Variants in IMPG2 observed in about 807,000 individuals in gnomAD.
The protein encoded by IMPG2 is IPM 200.
Under a neutral mutation model 129.2 loss-of-function variants are expected in IMPG2, and 91 were observed. The observed-to-expected ratio is 0.70, with a 90% confidence interval of 0.59 to 0.84. IMPG2 has a LOEUF of 0.84. IMPG2 is among the 40% of genes least tolerant of loss of function. The pLI is 0.00. For missense variants in IMPG2, 1,430 were observed against 1,461.7 expected, an observed-to-expected ratio of 0.98 and a Z score of 0.35; for synonymous variants, 510 against 517.7, an observed-to-expected ratio of 0.99 and a Z score of 0.20.
chr3:101,259,730 C>T (rs1013518754), intron 9 of IMPG2, among the ~76,000 whole-genome samples: 2 of 152,004 alleles, frequency 1.3e-5, no homozygotes, highest in African/African-American at 4.8e-5. Context: ...TAGTGGAAAG[C>T]TTCTGACCAG....
chr3:101,292,896 A>G (rs116474584), intron 3 of IMPG2, among the ~76,000 whole-genome samples: 3 of 152,182 alleles, frequency 2.0e-5, no homozygotes, highest in African/African-American at 7.2e-5. Flanking sequence ...CTCATTCATA[A>G]GAAGAAATTT....
chr3:101,281,788 G>A (rs1231081150), intron 4 of IMPG2, among the ~76,000 whole-genome samples: 3 of 152,106 alleles, frequency 2.0e-5, no homozygotes, highest in South Asian at 2.1e-4. Context: ...TCAGAGTGAC[G>A]GAATGTGAGA....
At chr3:101,300,558 G>A (rs1442639222) in intron 3 of IMPG2, among the ~76,000 whole-genome samples, 1 of 152,246 alleles carries the variant, frequency 6.6e-6, no homozygotes, top group Admixed American at 6.5e-5. Context: ...TCTGTGGGTT[G>A]CACAGTTCCG....
At chr3:101,298,003 A>T (rs888168868) in intron 3 of IMPG2, among the ~76,000 whole-genome samples, 1 of 152,192 alleles carries the variant, frequency 6.6e-6, no homozygotes, top group African/African-American at 2.4e-5. Context: ...TGGAGTGTTA[A>T]AGTCTCTCAC....
intron 18 of IMPG2, among the ~76,000 whole-genome samples, chr3:101,228,243 T>C (rs1332120515): frequency 1.3e-5 from 2 of 152,194 alleles, no homozygotes; most frequent in Non-Finnish European, 1.5e-5. Context: ...ATAAACTTGA[T>C]AGAGGCAAGA....
At chr3:101,256,137 AAAGAAAGAAAAGAAAG>A in intron 10 of IMPG2, among the ~76,000 whole-genome samples, 1 of 139,588 alleles carries the variant, frequency 7.2e-6, no homozygotes, top group Non-Finnish European at 1.5e-5. Flanking sequence ...AGAAAGAAAG[AAAGAAAGAAAAGAAAG>A]AAAGAAAGAA....
intron 4 of IMPG2, among the ~76,000 whole-genome samples, chr3:101,277,605 C>T (rs1706851772): frequency 6.6e-6 from 1 of 152,120 alleles, no homozygotes; most frequent in Non-Finnish European, 1.5e-5. Context: ...GAAAGTCAAG[C>T]TTAGAGAAAT....
chr3:101,291,191 A>G (rs1707005556), intron 4 of IMPG2, among the ~76,000 whole-genome samples: 1 of 152,200 alleles, frequency 6.6e-6, no homozygotes, highest in African/African-American at 2.4e-5. Context: ...TTAAACCTCA[A>G]CAATAGGTCA....
chr3:101,300,072 TAG>T (rs1707123467), intron 3 of IMPG2, among the ~76,000 whole-genome samples: 1 of 152,170 alleles, frequency 6.6e-6, no homozygotes, highest in South Asian at 2.1e-4. Flanking sequence ...CCAGGAAGAT[TAG>T]AGTCTGTCCC....
At position 101,230,982 on chromosome 3, in the gene IMPG2, T is replaced by C. The variant is rs1392679108; in HGVS notation, c.3397A>G (p.Arg1133Gly). The part of the protein sequence containing the change: ...FIRTLQAHHD[R>G]SERESPFSGS... ...CTGAAGGGACTCTCTCTTTCACTCC[T>C]GTCATGGTGTGCTTGGAGAGTCCTG... Residue 1133 changes from arginine (R) to glycine (G), a missense_variant, in exon 16 of 19, where the codon AGG becomes GGG. Coordinates refer to ENST00000193391, the MANE Select transcript of IMPG2 (RefSeq NM_016247.4). The C allele has an allele frequency of 6.2e-7, 1 of 1,613,616 alleles. No homozygotes were observed.
At chr3:101,243,480 G>T in intron 13 of IMPG2, 49 bp downstream of exon 13, 1 of 1,538,040 alleles carries the variant, frequency 6.5e-7, no homozygotes, top group Non-Finnish European at 9.0e-7. Flanking sequence ...GGAGGAGTCG[G>T]TCATACATGA....
intron 7 of IMPG2, among the ~76,000 whole-genome samples, chr3:101,270,172 G>A (rs1179684169): frequency 1.3e-5 from 2 of 151,728 alleles, no homozygotes; most frequent in Admixed American, 6.6e-5. Flanking sequence ...CCTGACCTCA[G>A]GTGATCCACC....
At position 101,312,059 on chromosome 3, in the gene IMPG2, T is replaced by C. The variant is rs151201656; in HGVS notation, c.334+7525A>G. ...ATCAACTCAAAATAGATGAAAAACT[T>C]AAACGTACACACCAAAACTATAAAA... On this transcript the variant is annotated intron_variant, in intron 2 of 18. Transcript: ENST00000193391. 3.0e-3 allele frequency among the ~76,000 whole-genome samples: 460 copies of C among 152,106 alleles called. 2 individuals carry two copies. The highest frequency in any genetic ancestry group is 9.8e-3 in the African/African-American group (407 of 41,530).
intron 3 of IMPG2, among the ~76,000 whole-genome samples, chr3:101,294,201 C>T (rs1707052648): frequency 6.6e-6 from 1 of 152,066 alleles, no homozygotes; most frequent in South Asian, 2.1e-4. Context: ...GTTTCAAGCC[C>T]CGCATGCATT....
chr3:101,241,626 A>G (rs929954618), intron 14 of IMPG2, among the ~76,000 whole-genome samples: 1 of 152,146 alleles, frequency 6.6e-6, no homozygotes, highest in Non-Finnish European at 1.5e-5. Context: ...AGTCGTACCA[A>G]TGGAGATAGA....
intron 2 of IMPG2, among the ~76,000 whole-genome samples, chr3:101,308,519 G>T (rs866152004): frequency 4.6e-5 from 7 of 152,356 alleles, no homozygotes; most frequent in Middle Eastern, 3.4e-3. Context: ...TGAGCATTAT[G>T]TTGGCCCCTT....
chr3:101,252,727 T>C (rs1399334850), intron 11 of IMPG2, among the ~76,000 whole-genome samples: 2 of 152,186 alleles, frequency 1.3e-5, no homozygotes, highest in Non-Finnish European at 2.9e-5. Context: ...TAATTCTACA[T>C]TGTAATATTG....
rs528687781 is a variant in IMPG2, at chr3:101,315,309, A to G, written c.334+4275T>C. Among the ~76,000 whole-genome samples the G allele has an allele frequency of 3.3e-5, 5 of 152,262 alleles. No homozygotes were observed. The South Asian group carries it at 8.3e-4, about 25-fold the overall frequency. On this transcript the variant is annotated intron_variant, in intron 2 of 18. Coordinates refer to ENST00000193391, the MANE Select transcript of IMPG2 (RefSeq NM_016247.4). ...TTCTTCACTGTACTAACAGTATAGC[A>G]TATTTTTTACTGTGAAGTACTGATA...
At chr3:101,247,528 C>T (rs1240291548) in intron 11 of IMPG2, among the ~76,000 whole-genome samples, 4 of 151,966 alleles carry the variant, frequency 2.6e-5, no homozygotes, top group Admixed American at 2.6e-4. Flanking sequence ...ACCCGGGCGG[C>T]GGAGGCTGTG....
Sources: allele counts gnomAD v4.1 joint callset (sites outside exome capture counted in the v4.1 genomes callset), GRCh38; gene constraint gnomAD v4.1.1; transcripts MANE v1.5; gene names NCBI Gene and HGNC (gene_info 2026-07-23, HGNC 2026-07-21).